Variants in TTC7A observed in about 807,000 individuals in gnomAD.
TTC7A encodes the protein tetratricopeptide repeat protein 7A.
A neutral mutation model predicts 103.7 loss-of-function variants in TTC7A; 110 were observed. The observed-to-expected ratio is 1.06, with a 90% CI of 0.91 to 1.24. TTC7A has a LOEUF of 1.24. TTC7A is among the 50% of genes most tolerant of loss of function. The pLI, the probability that TTC7A is intolerant of heterozygous loss-of-function variation, is 0.00. For missense variants in TTC7A, 1,340 were observed against 1,116.3 expected (o/e 1.20, Z -2.86); for synonymous variants, 521 against 467.9 (o/e 1.11, Z -1.47).
intron 2 of TTC7A, among the ~76,000 whole-genome samples, chr2:46,927,407 A>C (rs1052314766): frequency 7.0e-6 from 1 of 142,498 alleles, no homozygotes; most frequent in African/African-American, 2.7e-5. Context: ...CCCAGGCTGG[A>C]GTGCAGTGGC....
At chr2:46,992,447 C>T (rs1188107538) in intron 5 of TTC7A, among the ~76,000 whole-genome samples, 4 of 152,160 alleles carry the variant, frequency 2.6e-5, no homozygotes, top group Non-Finnish European at 5.9e-5. Flanking sequence ...GGGGAAAGGC[C>T]ACGTAAGGCA....
At chr2:47,025,763 C>A (rs1326237986) in intron 14 of TTC7A, among the ~76,000 whole-genome samples, 1 of 152,154 alleles carries the variant, frequency 6.6e-6, no homozygotes, top group Non-Finnish European at 1.5e-5. Context: ...TGCCCCTCCC[C>A]CTGTGACTCC....
At chr2:46,921,737 A>C (rs1669112899) in intron 2 of TTC7A, among the ~76,000 whole-genome samples, 1 of 152,214 alleles carries the variant, frequency 6.6e-6, no homozygotes, top group Non-Finnish European at 1.5e-5. Context: ...TGGTTTCAAA[A>C]TGAAACTGTT....
intron 11 of TTC7A, among the ~76,000 whole-genome samples, chr2:47,013,419 C>T (rs868315535): frequency 6.6e-6 from 1 of 152,124 alleles, no homozygotes; most frequent in South Asian, 2.1e-4. Flanking sequence ...CAGGTGGGCT[C>T]CCCGACCCCA....
intron 2 of TTC7A, among the ~76,000 whole-genome samples, chr2:46,936,086 G>C (rs1669964066): frequency 6.6e-6 from 1 of 152,106 alleles, no homozygotes; most frequent in African/African-American, 2.4e-5. Context: ...GCAAGACCCT[G>C]TCTCTAAAAA....
At chr2:46,942,984 C>G (rs954504983) in intron 1 of TTC7A, among the ~76,000 whole-genome samples, 8 of 152,280 alleles carry the variant, frequency 5.3e-5, no homozygotes, top group African/African-American at 1.9e-4. Context: ...CAGCTCACTG[C>G]AGCCTCAACT....
At chr2:46,957,883 G>T (rs557812178) in intron 3 of TTC7A, among the ~76,000 whole-genome samples, 1 of 152,214 alleles carries the variant, frequency 6.6e-6, no homozygotes, top group Non-Finnish European at 1.5e-5. Flanking sequence ...CTGTGGCTCA[G>T]TGGGCATTTG....
chr2:47,073,679 C>T lies in TTC7A; in HGVS notation c.2356-23C>T, dbSNP rs1446115990. The T allele has an allele frequency of 1.9e-6, 3 of 1,611,866 alleles. 1 individual carries two copies. In the South Asian group the frequency reaches 3.3e-5, roughly 18 times the overall value. ...TGTGCCATGGGACACCCCTACTCAC[C>T]CTGCCCTGTGCTTCGTCCACAGGGT... On this transcript the variant is annotated intron_variant, in intron 19 of 19. Coordinates refer to ENST00000319190, the MANE Select transcript of TTC7A (RefSeq NM_020458.4).
chr2:47,050,213 A>G (rs1177166673), intron 17 of TTC7A, 167 bp downstream of exon 17: 2 of 625,672 alleles, frequency 3.2e-6, no homozygotes, highest in Non-Finnish European at 5.7e-6. Context: ...GGCTCTGGGT[A>G]GGGGCTGGCT....
intron 3 of TTC7A, among the ~76,000 whole-genome samples, chr2:46,974,417 G>T (rs1017588236): frequency 6.6e-6 from 1 of 152,216 alleles, no homozygotes; most frequent in East Asian, 1.9e-4. Context: ...ATACTCTCCA[G>T]TTGGGAGAGA....
chr2:47,003,899 T>C (rs1320718288), intron 8 of TTC7A, among the ~76,000 whole-genome samples: 1 of 152,176 alleles, frequency 6.6e-6, no homozygotes, highest in African/African-American at 2.4e-5. Context: ...GGTCAGTACA[T>C]CGCCGGGGAC....
intron 18 of TTC7A, among the ~76,000 whole-genome samples, chr2:47,054,943 C>G (rs778843476): frequency 1.3e-5 from 2 of 151,984 alleles, no homozygotes; most frequent in Non-Finnish European, 2.9e-5. Context: ...AGAAGGTGTC[C>G]TAGTTCTTTC....
chr2:47,006,560 C>A, intron 9 of TTC7A, 81 bp from the exon 10 acceptor site: 1 of 1,267,530 alleles, frequency 7.9e-7, no homozygotes, highest in Non-Finnish European at 1.2e-6. Context: ...GTGACTTGGG[C>A]AGTAACTACC....
In TTC7A at chr2:46,955,070, T is replaced by C. The variant is rs188943748; in HGVS notation, c.349-1769T>C. On this transcript the variant is annotated intron_variant, in intron 2 of 19. Coordinates refer to ENST00000319190, the MANE Select transcript of TTC7A (RefSeq NM_020458.4). ...TCTCCATGTGCAGGATAATGATAAATACGCATACCCTGTATTTATCTTGCT... is the reference window on the plus strand; with the variant it reads ...TCTCCATGTGCAGGATAATGATAAACACGCATACCCTGTATTTATCTTGCT... Among the ~76,000 whole-genome samples, 218 of 152,330 alleles carry C rather than the reference T, an allele frequency of 1.4e-3. 1 individual carries two copies. Among genetic ancestry groups the C allele is most frequent in the African/African-American group, 5.0e-3 (209 of 41,576 alleles).
intron 8 of TTC7A, among the ~76,000 whole-genome samples, chr2:47,004,780 T>C (rs1398354809): frequency 6.6e-6 from 1 of 152,022 alleles, no homozygotes; most frequent in Non-Finnish European, 1.5e-5. Context: ...TTACCATTTC[T>C]GGCCCCAGAG....
At chr2:47,054,824 A>T (rs1340212170) in intron 18 of TTC7A, among the ~76,000 whole-genome samples, 3 of 143,020 alleles carry the variant, frequency 2.1e-5, no homozygotes, top group Non-Finnish European at 4.5e-5. Context: ...AATGGGAGTG[A>T]GACCCTGTCT....
Position 46,934,797 on chromosome 2 carries a change from T to C in TTC7A, c.83-15566T>C, listed in dbSNP as rs1329917563. Among the ~76,000 whole-genome samples the C allele has an allele frequency of 5.4e-4, 62 of 115,496 alleles. 1 individual carries two copies. The highest frequency in any genetic ancestry group is 2.0e-3 in the African/African-American group (57 of 28,782). 75.8% of individuals were successfully genotyped at this position (115,496 alleles called of 152,430 possible). ...ATGAAGACTACTGCTCTTTTTTTTT[T>C]TTTTTTTTTTTTTTTTTTTTTTGAG... On this transcript the variant is annotated intron_variant, in intron 2 of 20. Coordinates refer to the TTC7A transcript ENST00000409245.
intron 10 of TTC7A, 71 bp from the exon 11 acceptor site, chr2:47,011,260 G>C: frequency 7.1e-7 from 1 of 1,416,694 alleles, no homozygotes; most frequent in South Asian, 1.3e-5. Context: ...TGTTTGGGAA[G>C]CTCGCCCCAC....
In TTC7A at chr2:47,050,180, G is replaced by T. The variant is rs1014773472; in HGVS notation, c.2017+134G>T. 5 of 736,244 alleles carry T rather than the reference G, an allele frequency of 6.8e-6. No individual in the cohort carries two copies. In the African/African-American group the frequency reaches 6.9e-5, roughly 10 times the overall value. 45.6% of individuals were successfully genotyped at this position (736,244 alleles called of 1,614,324 possible). On this transcript the variant is annotated intron_variant, in intron 17 of 19. Coordinates refer to ENST00000319190, the MANE Select transcript of TTC7A (RefSeq NM_020458.4). ...CCCACCACTGGCTCCTTGCCAGCTCGGGCAACTTCTGGGGCTGATCTTGGC... is the reference window on the plus strand; with the variant it reads ...CCCACCACTGGCTCCTTGCCAGCTCTGGCAACTTCTGGGGCTGATCTTGGC...
Sources: allele counts gnomAD v4.1 joint callset (sites outside exome capture counted in the v4.1 genomes callset), GRCh38; gene constraint gnomAD v4.1.1; transcripts MANE v1.5; gene names NCBI Gene and HGNC (gene_info 2026-07-23, HGNC 2026-07-21).